The following PCDH9 variants were observed in gnomAD, a reference collection of about 807,000 sequenced individuals.
The protein encoded by PCDH9 is protocadherin-9.
Under a neutral mutation model 70.6 loss-of-function variants are expected in PCDH9, and 24 were observed. The observed-to-expected ratio is 0.34, with a 90% CI of 0.25 to 0.48. The LOEUF (loss-of-function observed/expected upper bound fraction) is 0.48. Ranked by LOEUF, PCDH9 falls within the 20% of genes least tolerant of loss-of-function variation. PCDH9 has a pLI of 0.99. For synonymous variants in PCDH9, 562 were observed against 558.5 expected (o/e 1.01, Z -0.09); for missense variants, 1,281 against 1,503.6 (o/e 0.85, Z 2.45).
chr13:66,404,973 G>A (rs1467833625), intron 4 of PCDH9, among the ~76,000 whole-genome samples: 1 of 151,892 alleles, frequency 6.6e-6, no homozygotes, highest in Non-Finnish European at 1.5e-5. Context: ...TAGATGTTAT[G>A]TCTATACAGT....
intron 3 of PCDH9, among the ~76,000 whole-genome samples, chr13:66,827,488 A>G (rs2080846384): frequency 6.6e-6 from 1 of 152,112 alleles, no homozygotes. Context: ...ATAATACTCT[A>G]AGCAGCAGAT....
At chr13:67,052,228 C>T (rs2085337279) in intron 2 of PCDH9, among the ~76,000 whole-genome samples, 1 of 151,880 alleles carries the variant, frequency 6.6e-6, no homozygotes, top group Admixed American at 6.6e-5. Context: ...TAGCCAGGGG[C>T]TCAGTAAGAG....
chr13:67,150,655 G>A (rs943774998), intron 2 of PCDH9, among the ~76,000 whole-genome samples: 3 of 152,108 alleles, frequency 2.0e-5, no homozygotes, highest in Non-Finnish European at 4.4e-5. Flanking sequence ...ATATCCAGAA[G>A]TGAGAACAAT....
chr13:67,072,909 C>T (rs2085797028), intron 2 of PCDH9, among the ~76,000 whole-genome samples: 1 of 152,018 alleles, frequency 6.6e-6, no homozygotes, highest in Admixed American at 6.6e-5. Flanking sequence ...CAAGATGATT[C>T]TCAAAGGCTA....
chr13:67,229,128 G>A (rs979054303), intron 1 of PCDH9, among the ~76,000 whole-genome samples: 5 of 151,492 alleles, frequency 3.3e-5, no homozygotes, highest in Non-Finnish European at 7.4e-5. Context: ...CCGCTGCAGC[G>A]GCATCAGAAG....
chr13:66,408,215 C>T (rs992850740), intron 4 of PCDH9, among the ~76,000 whole-genome samples: 2 of 152,052 alleles, frequency 1.3e-5, no homozygotes, highest in South Asian at 2.1e-4. Context: ...CCCGCCACCG[C>T]GCCCGGCTAA....
chr13:66,893,576 T>G (rs1177857252), intron 3 of PCDH9, among the ~76,000 whole-genome samples: 1 of 152,160 alleles, frequency 6.6e-6, no homozygotes, highest in Non-Finnish European at 1.5e-5. Context: ...AAATAAGAAG[T>G]GGTACATAAG....
chr13:67,043,460 C>A (rs1224714077), intron 2 of PCDH9, among the ~76,000 whole-genome samples: 1 of 152,086 alleles, frequency 6.6e-6, no homozygotes, highest in African/African-American at 2.4e-5. Flanking sequence ...TCGAAAGTTT[C>A]TTTCTCTGTG....
intron 3 of PCDH9, among the ~76,000 whole-genome samples, chr13:66,865,695 C>T (rs2081561781): frequency 6.6e-6 from 1 of 152,196 alleles, no homozygotes; most frequent in Non-Finnish European, 1.5e-5. Context: ...GAAATGTCCG[C>T]TTCCTTCGCA....
chr13:66,464,818 G>A (rs1173858331), intron 4 of PCDH9, among the ~76,000 whole-genome samples: 1 of 151,784 alleles, frequency 6.6e-6, no homozygotes, highest in Non-Finnish European at 1.5e-5. Context: ...TTAATGCTGA[G>A]GTGTCTTTTG....
At chr13:66,618,007 A>G (rs2077379484) in intron 4 of PCDH9, among the ~76,000 whole-genome samples, 1 of 152,122 alleles carries the variant, frequency 6.6e-6, no homozygotes, top group Non-Finnish European at 1.5e-5. Flanking sequence ...ACTGAGTTGG[A>G]GCCTCGGGAA....
chr13:66,913,964 T>C (rs1380813062), intron 2 of PCDH9, among the ~76,000 whole-genome samples: 1 of 151,964 alleles, frequency 6.6e-6, no homozygotes, highest in Admixed American at 6.6e-5. Flanking sequence ...ACCTCCACTT[T>C]CTTTCCAGAA....
chr13:66,331,844 T>C (rs1475014895), intron 4 of PCDH9, among the ~76,000 whole-genome samples: 1 of 152,182 alleles, frequency 6.6e-6, no homozygotes, highest in East Asian at 1.9e-4. Context: ...TGAAGCACAA[T>C]GTATTTATTT....
chr13:66,648,002 C>T (rs2077795589), intron 3 of PCDH9, among the ~76,000 whole-genome samples: 1 of 151,928 alleles, frequency 6.6e-6, no homozygotes, highest in African/African-American at 2.4e-5. Flanking sequence ...GTGGGAAAAT[C>T]TTGTCTTTTG....
chr13:66,763,015 C>T lies in PCDH9; in HGVS notation c.3139-131604G>A, dbSNP rs544827707. On this transcript the variant is annotated intron_variant, in intron 3 of 4. Transcript: ENST00000377865. ...TGTTGCCTAGGCTGGAATGCAATAG[C>T]TATTGGAAGGTTCAACAATAGTGCA... 1.1e-3 allele frequency among the ~76,000 whole-genome samples: 174 copies of T among 151,900 alleles called. 1 individual carries two copies. Among genetic ancestry groups the T allele is most frequent in the Non-Finnish European group, 1.6e-3 (110 of 67,990 alleles).
intron 4 of PCDH9, among the ~76,000 whole-genome samples, chr13:66,591,662 T>G (rs1193993791): frequency 2.6e-5 from 4 of 151,542 alleles, no homozygotes; most frequent in African/African-American, 9.7e-5. Flanking sequence ...CTAGAACATA[T>G]TTTAATTTGT....
intron 3 of PCDH9, chr13:66,886,145 T>A (rs2082001521): frequency 6.6e-6 from 1 of 152,202 alleles, no homozygotes; most frequent in Non-Finnish European, 1.5e-5. Flanking sequence ...GTTGGGCCAT[T>A]AAACTTATAA....
chr13:66,660,314 C>T (rs1205292329), intron 3 of PCDH9, among the ~76,000 whole-genome samples: 1 of 151,718 alleles, frequency 6.6e-6, no homozygotes, highest in African/African-American at 2.4e-5. Flanking sequence ...TTTTTTTTTA[C>T]TGTGAGTTTC....
chr13:67,072,174 G>A (rs917904013), intron 2 of PCDH9, among the ~76,000 whole-genome samples: 1 of 152,104 alleles, frequency 6.6e-6, no homozygotes, highest in Non-Finnish European at 1.5e-5. Flanking sequence ...TTAAACTGAA[G>A]GAAATTGAGA....
Sources: allele counts gnomAD v4.1 joint callset (sites outside exome capture counted in the v4.1 genomes callset), GRCh38; gene constraint gnomAD v4.1.1; transcripts MANE v1.5; gene names NCBI Gene and HGNC (gene_info 2026-07-23, HGNC 2026-07-21).